The following DCBLD1 variants were observed in gnomAD, a reference collection of about 807,000 sequenced individuals.
DCBLD1 encodes the protein discoidin, CUB and LCCL domain containing 1, also known as discoidin, CUB and LCCL domain-containing protein 1.
A neutral mutation model predicts 71.5 loss-of-function variants in DCBLD1; 57 were observed. That is an observed-to-expected ratio of 0.80 (90% CI 0.64 to 0.99). The LOEUF is 0.99. Ranked by LOEUF, DCBLD1 falls within the 50% of genes least tolerant of loss-of-function variation. The probability of loss-of-function intolerance (pLI) is 0.00; values close to 1 mark genes in which losing one functional copy is unlikely to be tolerated. For synonymous variants in DCBLD1, 380 were observed against 363.8 expected (o/e 1.04, Z -0.51); for missense variants, 891 against 923.5 (o/e 0.96, Z 0.46).
intron 1 of DCBLD1, among the ~76,000 whole-genome samples, chr6:117,496,178 TGAAA>T (rs1309164259): frequency 2.0e-5 from 3 of 152,372 alleles, no homozygotes; most frequent in South Asian, 2.1e-4. Flanking sequence ...AGAATAAAGT[TGAAA>T]GAGATTGTCA....
intron 2 of DCBLD1, among the ~76,000 whole-genome samples, chr6:117,515,456 T>C (rs1778163601): frequency 6.6e-6 from 1 of 152,206 alleles, no homozygotes; most frequent in African/African-American, 2.4e-5. Context: ...TTCTAACTTA[T>C]TAAAAGCAAC....
intron 6 of DCBLD1, among the ~76,000 whole-genome samples, chr6:117,533,385 G>A (rs1046905946): frequency 1.3e-5 from 2 of 152,084 alleles, no homozygotes; most frequent in African/African-American, 2.4e-5. Context: ...GAACATGGTC[G>A]TATTTTGCTG....
At chr6:117,500,588 C>T (rs545512744) in intron 1 of DCBLD1, among the ~76,000 whole-genome samples, 2 of 152,118 alleles carry the variant, frequency 1.3e-5, no homozygotes, top group Non-Finnish European at 1.5e-5. Flanking sequence ...ATACCCTGGC[C>T]GGGTGCGGTG....
downstream of DCBLD1, among the ~76,000 whole-genome samples, chr6:117,551,533 C>T (rs909105160): frequency 7.2e-5 from 11 of 151,742 alleles, no homozygotes; most frequent in African/African-American, 1.7e-4. Context: ...GCGCCCACCA[C>T]GAGGCCCAGC....
intron 2 of DCBLD1, among the ~76,000 whole-genome samples, chr6:117,518,097 G>T (rs571516266): frequency 3.3e-5 from 5 of 152,234 alleles, no homozygotes; most frequent in African/African-American, 9.6e-5. Flanking sequence ...AAAACTGAAT[G>T]CCTTTAACAG....
At chr6:117,541,271 A>C (rs981407287) in intron 11 of DCBLD1, among the ~76,000 whole-genome samples, 1 of 152,120 alleles carries the variant, frequency 6.6e-6, no homozygotes. Context: ...TGGAAAAATA[A>C]AACATTAGCA....
chr6:117,566,924 A>C (rs1190062920), intron 14 of DCBLD1: 2 of 1,611,414 alleles, frequency 1.2e-6, no homozygotes, highest in East Asian at 4.5e-5. Context: ...CTTCTAACTC[A>C]TCAAGGTACA....
In DCBLD1 at chr6:117,548,383, G is replaced by A; in HGVS notation, c.2092G>A (p.Ala698Thr). Residue 698 changes from alanine to threonine, a missense_variant, in exon 15 of 15, where the codon GCC becomes ACC. Transcript: ENST00000338728. ...TCCCGGGACGAGTGACAGCTATTCT[G>A]CCCCCAGAGACTGCCTCACACCCCT... Reference protein sequence around the residue: ...THPGTSDSYSAPRDCLTPLNQ... With the variant: ...THPGTSDSYSTPRDCLTPLNQ... 2 of 1,550,650 alleles carry A rather than the reference G, an allele frequency of 1.3e-6. No individual in the cohort carries two copies. The highest frequency in any genetic ancestry group is 1.4e-5 in the African/African-American group (1 of 73,156).
chr6:117,502,162 C>T (rs2114419367), intron 1 of DCBLD1, among the ~76,000 whole-genome samples: 1 of 152,288 alleles, frequency 6.6e-6, no homozygotes, highest in African/African-American at 2.4e-5. Context: ...TTTCTAATAC[C>T]TGTTTCGTTA....
downstream of DCBLD1, among the ~76,000 whole-genome samples, chr6:117,552,207 T>A (rs1458836443): frequency 6.6e-6 from 1 of 152,222 alleles, no homozygotes; most frequent in Admixed American, 6.5e-5. Context: ...TTAATCTTTG[T>A]AACTATGTGA....
In DCBLD1 at chr6:117,566,942, A is replaced by C. The variant is rs767345830; in HGVS notation, c.1616-2678A>C. 20 of 1,612,244 alleles carry C rather than the reference A, an allele frequency of 1.2e-5. No individual in the cohort carries two copies. The South Asian group carries it at 2.2e-4, about 18-fold the overall frequency. On this transcript the variant is annotated intron_variant, in intron 14 of 14. Transcript: ENST00000296955. ...CTAACTCATCAAGGTACAAACGGTA[A>C]CGATGTCCACTCTCATCTTCATACT... is the stretch of plus-strand genomic sequence containing the variant.
At chr6:117,505,081 T>C (rs1470651705) in intron 2 of DCBLD1, among the ~76,000 whole-genome samples, 1 of 152,236 alleles carries the variant, frequency 6.6e-6, no homozygotes, top group Non-Finnish European at 1.5e-5. Context: ...AGATTGTTTT[T>C]TAATCCCTAG....
intron 2 of DCBLD1, chr6:117,508,180 C>A (rs2114444050): frequency 6.6e-6 from 1 of 152,206 alleles, no homozygotes; most frequent in East Asian, 1.9e-4. Flanking sequence ...ATTAAGGTAG[C>A]CTACCCAGGC....
In DCBLD1 at chr6:117,548,149, G is replaced by C. The variant is rs767472043; in HGVS notation, c.1858G>C (p.Gly620Arg). The change falls in exon 15 of 15, where the codon GGC becomes CGC. Residue 620 changes from glycine to arginine, a missense_variant. Physicochemically the swap from Gly to Arg is moderately radical, Grantham distance 125. Transcript: ENST00000338728. ...CGCCCACACGTTCTCTGCGCAGAGC[G>C]GCTACCGCGTCCCAGGGCCCCAGCC... ...LRAHTFSAQS[G>R]YRVPGPQPGH... The C allele has an allele frequency of 3.6e-5, 56 of 1,550,000 alleles. No individual in the cohort carries two copies. The highest frequency in any genetic ancestry group is 4.6e-5 in the Non-Finnish European group (53 of 1,146,786).
At chr6:117,506,360 A>G (rs773581545) in intron 2 of DCBLD1, among the ~76,000 whole-genome samples, 9 of 152,214 alleles carry the variant, frequency 5.9e-5, no homozygotes, top group Non-Finnish European at 1.2e-4. Flanking sequence ...CATCACCAAA[A>G]AAACCACATT....
chr6:117,541,189 A>G (rs1050753536), intron 11 of DCBLD1, among the ~76,000 whole-genome samples, 164 bp downstream of exon 11: 2 of 152,222 alleles, frequency 1.3e-5, no homozygotes, highest in African/African-American at 4.8e-5. Flanking sequence ...ACAGCTTTTC[A>G]TTGCAGTATT....
Position 117,517,759 on chromosome 6 carries a change from G to A in DCBLD1, c.326-2057G>A, listed in dbSNP as rs555311799. On this transcript the variant is annotated intron_variant, in intron 2 of 14. Transcript: ENST00000338728. ...TCTGAAGTCCTGGCCCGAGTTCTAC[G>A]TTGTCCCCTTCCAGCCATAGCTGGA... 2.0e-5 allele frequency among the ~76,000 whole-genome samples: 3 copies of A among 152,246 alleles called. No individual in the cohort carries two copies. The South Asian group carries it at 6.2e-4, about 32-fold the overall frequency.
chr6:117,545,641 C>T (rs1235917602), intron 14 of DCBLD1, 44 bp downstream of exon 14: 8 of 1,583,176 alleles, frequency 5.1e-6, no homozygotes, highest in Non-Finnish European at 6.0e-6. Flanking sequence ...ATTGGAGGTG[C>T]TGCTTGTGGG....
At chr6:117,498,180 T>C (rs1777530620) in intron 1 of DCBLD1, among the ~76,000 whole-genome samples, 3 of 152,214 alleles carry the variant, frequency 2.0e-5, no homozygotes, top group African/African-American at 4.8e-5. Flanking sequence ...CTTGCACCTT[T>C]TTCCAGAATC....
Sources: gnomAD v4.1 joint callset for allele counts (sites outside exome capture counted in the v4.1 genomes callset) on GRCh38, gnomAD v4.1.1 for gene constraint, MANE v1.5 for transcripts, NCBI Gene and HGNC (gene_info 2026-07-23, HGNC 2026-07-21) for gene names.